ZFP1: variants seen among roughly 807,000 people sequenced by gnomAD.
ZFP1 encodes ZFP1 zinc finger protein, also known as zinc finger protein 1 homolog.
In ZFP1, 32 loss-of-function variants were observed where a neutral mutation model predicts 38.5. The ratio of observed to expected loss-of-function variants is 0.83; its 90% CI spans 0.63 to 1.12. The LOEUF (loss-of-function observed/expected upper bound fraction) is 1.12. Ranked by LOEUF, ZFP1 falls within the 50% of genes most tolerant of loss-of-function variation. The pLI is 0.00. For missense variants in ZFP1, 616 were observed against 480.8 expected (o/e 1.28, Z -2.63); for synonymous variants, 245 against 168.8 (o/e 1.45, Z -3.50).
chr16:75,136,530 T>C, the ZFP1 span, among the ~76,000 whole-genome samples: 1 of 152,208 alleles, frequency 6.6e-6, no homozygotes, highest in Non-Finnish European at 1.5e-5. Context: ...CAGTAACAAC[T>C]CATGTTTAAC....
the ZFP1 span, among the ~76,000 whole-genome samples, chr16:75,134,418 G>C: frequency 6.6e-6 from 1 of 152,032 alleles, no homozygotes; most frequent in East Asian, 1.9e-4. Flanking sequence ...GACCAGCCTG[G>C]GCATCAATAG....
chr16:75,171,205 A>G lies in ZFP1; in HGVS notation c.*871A>G, dbSNP rs974433846. ...TACCAAAATATTGTGTAACACAGAC[A>G]GAAACCACCTGTTTTTGTCTTTCCT... On this transcript the variant is annotated 3_prime_UTR_variant, in exon 4 of 4. Coordinates refer to ENST00000570010, the MANE Select transcript of ZFP1 (RefSeq NM_153688.4). The G allele has an allele frequency of 5.3e-5, 8 of 152,232 alleles. No homozygotes were observed. The highest frequency in any genetic ancestry group is 5.2e-4 in the Admixed American group (8 of 15,278). 9.4% of individuals were successfully genotyped at this position (152,232 alleles called of 1,614,324 possible). A position where few individuals can be genotyped will look rare whatever the true frequency, so the allele number is the denominator to read the frequency against.
chr16:75,140,304 C>T, the ZFP1 span, among the ~76,000 whole-genome samples: 3 of 151,554 alleles, frequency 2.0e-5, no homozygotes, highest in Non-Finnish European at 4.4e-5. Flanking sequence ...TGTGGTGGCT[C>T]ATGCTTCTAA....
chr16:75,137,019 G>A, the ZFP1 span, among the ~76,000 whole-genome samples: 1 of 152,144 alleles, frequency 6.6e-6, no homozygotes. Flanking sequence ...AGCCCACCCG[G>A]GGCCAGCATT....
the ZFP1 span, among the ~76,000 whole-genome samples, chr16:75,129,208 C>T: frequency 2.0e-5 from 3 of 152,138 alleles, no homozygotes; most frequent in Non-Finnish European, 4.4e-5. Flanking sequence ...ATTTTCTCTT[C>T]AGAGGACGTG....
the ZFP1 span, among the ~76,000 whole-genome samples, chr16:75,125,778 C>A: frequency 6.6e-6 from 1 of 151,932 alleles, no homozygotes; most frequent in Non-Finnish European, 1.5e-5. Context: ...TGCGGTGGCT[C>A]ATGACTGTAA....
the ZFP1 span, among the ~76,000 whole-genome samples, chr16:75,137,727 A>C: frequency 2.0e-5 from 3 of 151,820 alleles, no homozygotes; most frequent in Non-Finnish European, 4.4e-5. Context: ...TGGCTTCCCA[A>C]AGTGCTGGGA....
chr16:75,147,085 C>T (rs1306225030), upstream of ZFP1, among the ~76,000 whole-genome samples: 1 of 151,794 alleles, frequency 6.6e-6, no homozygotes, highest in Non-Finnish European at 1.5e-5. Flanking sequence ...AAAGGCAAAA[C>T]TATGGAGACA....
chr16:75,141,996 G>T, the ZFP1 span, among the ~76,000 whole-genome samples: 1 of 150,498 alleles, frequency 6.6e-6, no homozygotes, highest in East Asian at 2.0e-4. Context: ...AGACATTGCC[G>T]TGAGCCGAGA....
At chr16:75,151,998 T>C (rs753951984) in intron 1 of ZFP1, among the ~76,000 whole-genome samples, 2 of 152,204 alleles carry the variant, frequency 1.3e-5, no homozygotes, top group Non-Finnish European at 2.9e-5. Flanking sequence ...AGTTGCTTTT[T>C]TGTTGTTGTG....
At chr16:75,133,000 C>T in the ZFP1 span, among the ~76,000 whole-genome samples, 2 of 150,088 alleles carry the variant, frequency 1.3e-5, no homozygotes, top group African/African-American at 2.5e-5. Flanking sequence ...TTTTTCAAGA[C>T]GGAGTCTTGC....
chr16:75,138,481 T>C, the ZFP1 span, among the ~76,000 whole-genome samples: 169 of 152,320 alleles, frequency 1.1e-3, 2 homozygotes, highest in South Asian at 8.1e-3. Context: ...TCATAAGCCA[T>C]GTGGATAGCA....
In ZFP1 at chr16:75,171,460, A is replaced by C. The variant is rs1250728470; in HGVS notation, c.*1126A>C. ...ACTTCCTTGAGTTTTGCTGTTGCCA[A>C]CCTAAAACATTTCCCTTTGGAACAT... On this transcript the variant is annotated 3_prime_UTR_variant, in exon 4 of 4. Transcript: ENST00000570010. The C allele has an allele frequency of 6.6e-6, 1 of 152,184 alleles. No individual in the cohort carries two copies. The highest frequency in any genetic ancestry group is 1.5e-5 in the Non-Finnish European group (1 of 68,030). The allele number at this position is 152,184 out of a possible 1,614,324, so 9.4% of individuals were successfully genotyped here.
At chr16:75,123,923 C>G in the ZFP1 span, among the ~76,000 whole-genome samples, 7 of 102,558 alleles carry the variant, frequency 6.8e-5, no homozygotes, top group African/African-American at 3.2e-4. Flanking sequence ...AACCCTGTCT[C>G]TACTAAAAAT....
At chr16:75,159,916 C>T (rs886836454) in intron 2 of ZFP1, among the ~76,000 whole-genome samples, 2 of 152,160 alleles carry the variant, frequency 1.3e-5, no homozygotes, top group African/African-American at 2.4e-5. Flanking sequence ...TGTGCTCCAT[C>T]CTTCTAGGGC....
chr16:75,139,576 G>C, the ZFP1 span, among the ~76,000 whole-genome samples: 2 of 151,862 alleles, frequency 1.3e-5, no homozygotes, highest in Non-Finnish European at 2.9e-5. Flanking sequence ...TGTGTGGTCC[G>C]AGCTACTCAG....
At chr16:75,159,262 C>A (rs558659100) in intron 2 of ZFP1, among the ~76,000 whole-genome samples, 124 of 147,860 alleles carry the variant, frequency 8.4e-4, no homozygotes, top group African/African-American at 3.0e-3. Flanking sequence ...CCCTTCCTTT[C>A]CCTTCCTTCC....
intron 2 of ZFP1, 29 bp downstream of exon 2, chr16:75,152,995 C>T (rs776926191): frequency 4.0e-5 from 64 of 1,612,630 alleles, no homozygotes; most frequent in Non-Finnish European, 5.0e-5. Context: ...CCCCATTTTG[C>T]TTTTCAGTGC....
chr16:75,119,836 TGGCTAAA>T, the ZFP1 span, among the ~76,000 whole-genome samples: 1 of 151,768 alleles, frequency 6.6e-6, no homozygotes, highest in African/African-American at 2.4e-5. Flanking sequence ...GCCTCTGAAG[TGGCTAAA>T]TTCACACACA....
Sources: allele counts gnomAD v4.1 joint callset (sites outside exome capture counted in the v4.1 genomes callset), GRCh38; gene constraint gnomAD v4.1.1; transcripts MANE v1.5; gene names NCBI Gene and HGNC (gene_info 2026-07-23, HGNC 2026-07-21).